LAMA3: variants seen among roughly 807,000 people sequenced by gnomAD.
LAMA3 encodes the protein laminin subunit alpha 3.
LAMA3 carries 281 observed loss-of-function variants against 402.0 expected under a neutral mutation model. The observed-to-expected ratio is 0.70, with a 90% CI of 0.63 to 0.77. The LOEUF (loss-of-function observed/expected upper bound fraction) is 0.77, where lower values mean the gene tolerates loss of function less well. Ranked by LOEUF, LAMA3 falls within the 30% of genes least tolerant of loss-of-function variation. The pLI, the probability that LAMA3 is intolerant of heterozygous loss-of-function variation, is 0.00. For missense variants in LAMA3, 3,840 were observed against 4,215.5 expected (o/e 0.91, Z 2.47); for synonymous variants, 1,431 against 1,558.4 (o/e 0.92, Z 1.93).
chr18:23,916,005 C>CAAAAAAAAAAAAAAAAAAAA (rs1408575781), intron 59 of LAMA3, among the ~76,000 whole-genome samples: 1 of 41,946 alleles, frequency 2.4e-5, no homozygotes, highest in African/African-American at 1.4e-4. Context: ...GACTCCATCT[C>CAAAAAAAAAAAAAAAAAAAA]CAAAAAAAAA....
At chr18:23,694,865 C>A (rs2060655563) in intron 1 of LAMA3, among the ~76,000 whole-genome samples, 1 of 152,202 alleles carries the variant, frequency 6.6e-6, no homozygotes, top group Admixed American at 6.5e-5. Flanking sequence ...TGAGATGCCC[C>A]ATAGAGTAGA....
At chr18:23,847,367 C>T in intron 31 of LAMA3, 97 bp from the exon 32 acceptor site, 1 of 1,296,518 alleles carries the variant, frequency 7.7e-7, no homozygotes. Context: ...CTCTCTGACC[C>T]TTTGGAGGCT....
intron 52 of LAMA3, 74 bp from the exon 53 acceptor site, chr18:23,907,476 T>G: frequency 9.2e-7 from 1 of 1,084,362 alleles, no homozygotes; most frequent in Non-Finnish European, 1.4e-6. Context: ...ACTGGCTACT[T>G]CAGGGGCCAC....
intron 62 of LAMA3, among the ~76,000 whole-genome samples, chr18:23,922,512 G>T (rs1182986171): frequency 6.6e-6 from 1 of 152,182 alleles, no homozygotes; most frequent in Non-Finnish European, 1.5e-5. Context: ...TGCCTCCAAA[G>T]GCAAAAATGC....
intron 2 of LAMA3, among the ~76,000 whole-genome samples, chr18:23,725,180 G>A (rs932448690): frequency 6.6e-6 from 1 of 151,750 alleles, no homozygotes; most frequent in South Asian, 2.1e-4. Flanking sequence ...CACGATCTCG[G>A]TTCACTGCAG....
chr18:23,738,683 C>T lies in LAMA3; in HGVS notation c.448-9260C>T, dbSNP rs561242838. Among the ~76,000 whole-genome samples, 3 of 152,294 alleles carry T rather than the reference C, an allele frequency of 2.0e-5. No homozygotes were observed. In the East Asian group the frequency reaches 5.8e-4, roughly 29 times the overall value. ...GTGGCTAGTCCTGACCACACGTCAG[C>T]CCTGAGCCTGGACAGGGGACTCAGG... On this transcript the variant is annotated intron_variant, in intron 2 of 74. Coordinates refer to ENST00000313654, the MANE Select transcript of LAMA3 (RefSeq NM_198129.4).
At chr18:23,864,248 A>G (rs2064296513) in intron 35 of LAMA3, among the ~76,000 whole-genome samples, 1 of 148,324 alleles carries the variant, frequency 6.7e-6, no homozygotes. Flanking sequence ...TTTAAAAGAG[A>G]CAGGGTCTTG....
rs764904201 is a variant in LAMA3 at position 23,815,529 on chromosome 18, A to G, written c.2003A>G (p.Asp668Gly). The change falls in exon 17 of 75, where the codon GAT (aspartate) becomes GGT (glycine). Residue 668 changes from aspartate (D) to glycine (G), a missense_variant. Asp to Gly is a moderately conservative substitution (Grantham distance 94, BLOSUM62 -1). Transcript: ENST00000313654. ...VGGDSCDTCE[D>G]GYFALEKSNY... is the part of the protein sequence containing the mutation. ...GGCGATTCCTGCGACACCTGTGAAG[A>G]TGGATATTTTGCTTTGGAAAAGAGC... 6.2e-7 allele frequency: 1 copy of G among 1,614,166 alleles called. No homozygotes were observed. Among genetic ancestry groups the G allele is most frequent in the East Asian group, 2.2e-5 (1 of 44,886 alleles).
intron 12 of LAMA3, among the ~76,000 whole-genome samples, chr18:23,805,130 A>C (rs1012481633): frequency 3.3e-5 from 5 of 152,214 alleles, no homozygotes; most frequent in African/African-American, 1.2e-4. Context: ...GGTGTGAAGG[A>C]AAAAAGCATT....
intron 62 of LAMA3, among the ~76,000 whole-genome samples, chr18:23,923,883 C>T (rs1307069189): frequency 6.6e-6 from 1 of 152,170 alleles, no homozygotes; most frequent in Non-Finnish European, 1.5e-5. Flanking sequence ...TAGGTAGAAC[C>T]ACAAAAGAGG....
At chr18:23,766,155 G>C (rs2062071149) in intron 8 of LAMA3, among the ~76,000 whole-genome samples, 2 of 152,194 alleles carry the variant, frequency 1.3e-5, no homozygotes, top group Non-Finnish European at 2.9e-5. Context: ...CCTAGGCCTA[G>C]TGGAGTCAAA....
At position 23,749,521 on chromosome 18, in the gene LAMA3, G is replaced by C; in HGVS notation, c.659G>C (p.Arg220Pro). Residue 220 changes from arginine to proline, a missense_variant, in exon 4 of 75, where the codon CGT becomes CCT. Around this residue, in one of 3 missense-constraint regions of LAMA3, gnomAD observed 2,109 missense variants for 2,376.0 expected, o/e 0.89. Coordinates refer to ENST00000313654, the MANE Select transcript of LAMA3 (RefSeq NM_198129.4). ...DDVLCVTEYS[R>P]IVPLENGEVV... ...GTACTTTGTGTTACTGAATATTCCCGTATTGTACCTTTGGAAAATGGTGAG... is the reference window on the plus strand; with the variant it reads ...GTACTTTGTGTTACTGAATATTCCCCTATTGTACCTTTGGAAAATGGTGAG... The C allele has an allele frequency of 2.5e-6, 4 of 1,606,400 alleles. No individual in the cohort carries two copies. The highest frequency in any genetic ancestry group is 3.4e-6 in the Non-Finnish European group (4 of 1,173,042).
intron 17 of LAMA3, among the ~76,000 whole-genome samples, chr18:23,816,097 C>T (rs983851802): frequency 2.7e-4 from 41 of 152,246 alleles, no homozygotes; most frequent in Non-Finnish European, 1.2e-4. Context: ...TTATAGTAGC[C>T]GCCTCCAACT....
chr18:23,807,308 C>A (rs2062980791), intron 12 of LAMA3, among the ~76,000 whole-genome samples: 2 of 152,122 alleles, frequency 1.3e-5, no homozygotes, highest in Non-Finnish European at 2.9e-5. Flanking sequence ...GAGACCCTAC[C>A]TGTATTTATG....
At chr18:23,812,878 AC>A (rs2063101175) in intron 13 of LAMA3, among the ~76,000 whole-genome samples, 178 bp from the exon 14 acceptor site, 1 of 152,238 alleles carries the variant, frequency 6.6e-6, no homozygotes, top group Non-Finnish European at 1.5e-5. Flanking sequence ...GGGATTAAGG[AC>A]CATAAATGTC....
chr18:23,812,803 A>G lies in LAMA3; in HGVS notation c.1742-254A>G, dbSNP rs74792567. 3.6e-3 allele frequency among the ~76,000 whole-genome samples: 548 copies of G among 152,318 alleles called. 4 individuals carry two copies. Among genetic ancestry groups the G allele is most frequent in the South Asian group, 0.025 (121 of 4,820 alleles). ...TCCCTAATCTCCTCCTTCATCATCA[A>G]TTAGAAGTGAACTGTCATGAGTAGA... On this transcript the variant is annotated intron_variant, in intron 13 of 74. Coordinates refer to ENST00000313654, the MANE Select transcript of LAMA3 (RefSeq NM_198129.4).
chr18:23,779,392 C>T (rs2062390290), intron 11 of LAMA3, among the ~76,000 whole-genome samples: 1 of 152,040 alleles, frequency 6.6e-6, no homozygotes, highest in Non-Finnish European at 1.5e-5. Flanking sequence ...GAGGTGACAG[C>T]AGTGGACAGA....
intron 56 of LAMA3, among the ~76,000 whole-genome samples, chr18:23,914,007 T>C (rs1027843109): frequency 3.3e-5 from 5 of 152,232 alleles, no homozygotes; most frequent in African/African-American, 1.2e-4. Context: ...CTAACCATGA[T>C]AACATAGAGG....
At position 23,713,820 on chromosome 18, in the gene LAMA3, T is replaced by TGTTTG. The variant is rs576995243; in HGVS notation, c.295-96_295-92dup. The stretch of plus-strand genomic sequence containing the variant: ...TCTCTAAGCTGTATAAGATAGTCTT[T>TGTTTG]GTTTGGTTCCCTGTATTTGCTATAT... On this transcript the variant is annotated intron_variant, in intron 1 of 74. Coordinates refer to ENST00000313654, the MANE Select transcript of LAMA3 (RefSeq NM_198129.4). 1,310 of 1,052,884 alleles carry TGTTTG rather than the reference T, an allele frequency of 1.2e-3. 9 individuals are homozygous for TGTTTG. The African/African-American group carries it at 0.018, about 14-fold the overall frequency. The allele number at this position is 1,052,884 out of a possible 1,614,324, so 65.2% of individuals were successfully genotyped here.
Sources: allele counts gnomAD v4.1 joint callset (sites outside exome capture counted in the v4.1 genomes callset), GRCh38; gene constraint gnomAD v4.1.1; regional missense constraint gnomAD v4.1.1; transcripts MANE v1.5; gene names NCBI Gene and HGNC (gene_info 2026-07-23, HGNC 2026-07-21).